The following CD163 variants were observed in gnomAD, a reference collection of about 807,000 sequenced individuals.
CD163 encodes scavenger receptor cysteine-rich type 1 protein M130.
Under a neutral mutation model 129.2 loss-of-function variants are expected in CD163, and 64 were observed. That is an observed-to-expected ratio of 0.50 (90% CI 0.41 to 0.61). The LOEUF (loss-of-function observed/expected upper bound fraction) is 0.61, where lower values mean the gene tolerates loss of function less well. Ranked by LOEUF, CD163 falls within the 20% of genes least tolerant of loss-of-function variation. The pLI is 0.00. For synonymous variants in CD163, 446 were observed against 478.5 expected, an observed-to-expected ratio of 0.93 and a Z score of 0.89; for missense variants, 1,061 against 1,377.9, an observed-to-expected ratio of 0.77 and a Z score of 3.64.
rs183385013 is a variant in CD163 at position 7,487,047 on chromosome 12, T to C, written c.2051-61A>G. ...AAAAGGTTAGGGGAGTCAGATGAAA[T>C]GTTATATGGATGAGTTGAGGACAAA... On this transcript the variant is annotated intron_variant, in intron 8 of 16. Transcript: ENST00000432237. This position sits in a 1 kb window ranked among gnomAD's most constrained non-coding sequence, Gnocchi z 5.1. The C allele has an allele frequency of 1.9e-4, 251 of 1,304,020 alleles. No individual in the cohort carries two copies. The African/African-American group carries it at 3.3e-3, about 17-fold the overall frequency. 80.8% of individuals were successfully genotyped at this position (1,304,020 alleles called of 1,614,324 possible). A position where few individuals can be genotyped will look rare whatever the true frequency, so the allele number is the denominator to read the frequency against.
intron 16 of CD163, 39 bp downstream of exon 16, chr12:7,479,821 G>C: frequency 6.3e-7 from 1 of 1,595,458 alleles, no homozygotes; most frequent in South Asian, 1.2e-5. Flanking sequence ...AAGGAATGCA[G>C]CTGTTTTGAA....
chr12:7,488,403 C>A (rs1205345503), intron 6 of CD163, among the ~76,000 whole-genome samples: 1 of 152,188 alleles, frequency 6.6e-6, no homozygotes, highest in Non-Finnish European at 1.5e-5. Flanking sequence ...AGACCACAAA[C>A]AATGTGTATC....
At chr12:7,484,639 C>A (rs371414716) in intron 11 of CD163, among the ~76,000 whole-genome samples, 923 of 99,928 alleles carry the variant, frequency 9.2e-3, no homozygotes, top group African/African-American at 0.012. Context: ...AACTCTGTCT[C>A]AAAAAAAAAA....
chr12:7,482,047 A>G (rs749657744), intron 14 of CD163, among the ~76,000 whole-genome samples: 58 of 152,238 alleles, frequency 3.8e-4, no homozygotes, highest in African/African-American at 1.3e-3. Context: ...CTATTAATGT[A>G]AAATGGCTAC....
In CD163 at chr12:7,487,566, C is replaced by T; in HGVS notation, c.1843G>A (p.Glu615Lys). The T allele has an allele frequency of 1.2e-6, 2 of 1,614,100 alleles. No homozygotes were observed. The highest frequency in any genetic ancestry group is 1.7e-6 in the Non-Finnish European group (2 of 1,180,006). Residue 615 changes from glutamate (E) to lysine (K), a missense_variant, in exon 8 of 17, where the codon GAA becomes AAA. By Grantham distance (56) the Glu-to-Lys change is moderately conservative. Coordinates refer to ENST00000432237, the MANE Select transcript of CD163 (RefSeq NM_203416.4). The surrounding 1 kb of genome is among the most constrained non-coding windows in gnomAD (Gnocchi z 5.1). ...TGCTGGCAAAGAACATGGGCATCTT[C>T]TATGTCCCAGTGAGAGTTACAGAGG... ...GSLCNSHWDI[E>K]DAHVLCQQLK...
rs1565401264 is a variant in CD163, at chr12:7,485,213, T to A, written c.2662A>T (p.Met888Leu). ...GGACACTGAACATTGTCCACCCACA[T>A]GGGAATGGACATGGCCTTGTCTAAA... ...ASLDKAMSIP[M>L]WVDNVQCPKG... Residue 888 changes from methionine to leucine, a missense_variant, in exon 11 of 17, where the codon ATG becomes TTG. Coordinates refer to ENST00000432237, the MANE Select transcript of CD163 (RefSeq NM_203416.4). This position sits in a 1 kb window ranked among gnomAD's most constrained non-coding sequence, Gnocchi z 4.5. 1 of 1,614,198 alleles carries A rather than the reference T, an allele frequency of 6.2e-7. No homozygotes were observed. The highest frequency in any genetic ancestry group is 2.2e-5 in the East Asian group (1 of 44,888).
intron 6 of CD163, among the ~76,000 whole-genome samples, chr12:7,492,893 C>A (rs1949344933): frequency 6.6e-6 from 1 of 152,110 alleles, no homozygotes. Flanking sequence ...AATGAGTCTA[C>A]CGGCAAAGAC....
In CD163 at chr12:7,484,002, G is replaced by A. The variant is rs1416003082; in HGVS notation, c.2780-327C>T. On this transcript the variant is annotated intron_variant, in intron 11 of 16. Coordinates refer to ENST00000432237, the MANE Select transcript of CD163 (RefSeq NM_203416.4). Reference sequence around the variant, plus strand: ...ACTACAGGCGCCCACCACCACACCCGGCTAATTTTTTGTATTTTTAGTAGA... The same window carrying A: ...ACTACAGGCGCCCACCACCACACCCAGCTAATTTTTTGTATTTTTAGTAGA... 6.0e-5 allele frequency among the ~76,000 whole-genome samples: 9 copies of A among 149,980 alleles called. No homozygotes were observed. The South Asian group carries it at 1.5e-3, about 25-fold the overall frequency.
chr12:7,501,592 C>G (rs1949490773), intron 2 of CD163, 130 bp from the exon 3 acceptor site: 5 of 667,454 alleles, frequency 7.5e-6, no homozygotes, highest in Admixed American at 2.7e-5. Flanking sequence ...CATGGTAAAA[C>G]AGAAGAATGT....
chr12:7,493,675 G>A (rs1949356599), intron 6 of CD163, among the ~76,000 whole-genome samples: 1 of 152,026 alleles, frequency 6.6e-6, no homozygotes, highest in Admixed American at 6.6e-5. Context: ...ATTTATATTA[G>A]TAAATCAGAA....
At chr12:7,484,769 T>G (rs756171256) in intron 11 of CD163, among the ~76,000 whole-genome samples, 3 of 151,948 alleles carry the variant, frequency 2.0e-5, no homozygotes, top group Non-Finnish European at 4.4e-5. Flanking sequence ...GAAGGTAAGG[T>G]AGACCATTCA....
At chr12:7,484,652 A>C (rs1949223239) in intron 11 of CD163, among the ~76,000 whole-genome samples, 1 of 151,746 alleles carries the variant, frequency 6.6e-6, no homozygotes, top group South Asian at 2.1e-4. Context: ...AAAAAAAAAA[A>C]AAAAAAACCT....
intron 6 of CD163, among the ~76,000 whole-genome samples, chr12:7,494,444 A>G (rs866781681): frequency 1.1e-4 from 16 of 152,128 alleles, no homozygotes; most frequent in African/African-American, 2.7e-4. Context: ...AGCACGTACA[A>G]GTTTCCATTC....
chr12:7,489,958 C>T (rs1263246463), intron 6 of CD163, among the ~76,000 whole-genome samples: 3 of 152,000 alleles, frequency 2.0e-5, no homozygotes, highest in Non-Finnish European at 4.4e-5. Context: ...TCTGTAGAAA[C>T]TTTTCTCTCT....
At chr12:7,500,851 C>T (rs559131974) in intron 3 of CD163, among the ~76,000 whole-genome samples, 11 of 152,212 alleles carry the variant, frequency 7.2e-5, no homozygotes, top group Middle Eastern at 3.4e-3. Context: ...TAGTAGGTTA[C>T]AGTAAGCTTA....
At chr12:7,484,456 A>T (rs1239666587) in intron 11 of CD163, among the ~76,000 whole-genome samples, 1 of 152,044 alleles carries the variant, frequency 6.6e-6, no homozygotes, top group African/African-American at 2.4e-5. Flanking sequence ...CCTGGCCAAC[A>T]TGGGGAAACC....
chr12:7,478,980 AT>A (rs920089750), intron 16 of CD163, among the ~76,000 whole-genome samples: 49 of 151,258 alleles, frequency 3.2e-4, no homozygotes, highest in African/African-American at 7.8e-4. Flanking sequence ...TCACATTTGA[AT>A]TTTTTTTTAT....
chr12:7,482,126 C>T (rs756741616), intron 14 of CD163, among the ~76,000 whole-genome samples: 2 of 151,994 alleles, frequency 1.3e-5, no homozygotes, highest in Non-Finnish European at 2.9e-5. Context: ...ATTTATTGTC[C>T]ATGTCTGTAT....
At position 7,503,644 on chromosome 12, in the gene CD163, C is replaced by CCAG. The variant is rs1949523401; in HGVS notation, c.44_46dup (p.Ala15dup). On this transcript the variant is annotated inframe_insertion and splice_region_variant. Transcript: ENST00000432237. Reference sequence around the variant, plus strand: ...ATGTAGAATAAATGAGAAGCTTTTACCAGCAGATCCAGAGTCTTCAAGTAG... The same window carrying CCAG: ...ATGTAGAATAAATGAGAAGCTTTTACCAGCAGCAGATCCAGAGTCTTCAAGTAG... 1 of 1,591,998 alleles carries CCAG rather than the reference C, an allele frequency of 6.3e-7. No homozygotes were observed. Among genetic ancestry groups the CCAG allele is most frequent in the Non-Finnish European group, 8.6e-7 (1 of 1,163,650 alleles).
Sources: gnomAD v4.1 joint callset for allele counts (sites outside exome capture counted in the v4.1 genomes callset) on GRCh38, gnomAD v4.1.1 for gene constraint, Gnocchi (gnomAD v3.1) non-coding constraint, MANE v1.5 for transcripts, NCBI Gene and HGNC (gene_info 2026-07-23, HGNC 2026-07-21) for gene names.